ORC1: variants seen among roughly 807,000 people sequenced by gnomAD.
ORC1 encodes origin recognition complex, subunit 1 homolog.
In ORC1, 61 loss-of-function variants were observed where a neutral mutation model predicts 98.9. The observed-to-expected ratio is 0.62, with a 90% CI of 0.50 to 0.76. The LOEUF is 0.76. Ranked by LOEUF, ORC1 falls within the 30% of genes least tolerant of loss-of-function variation. ORC1 has a pLI of 0.00. For synonymous variants in ORC1, 385 were observed against 406.9 expected (o/e 0.95, Z 0.65); for missense variants, 979 against 1,072.2 (o/e 0.91, Z 1.21).
chr1:52,389,291 T>C lies in ORC1; in HGVS notation c.1113A>G (p.Glu371=). The C allele has an allele frequency of 6.2e-7, 1 of 1,614,160 alleles. No homozygotes were observed. The highest frequency in any genetic ancestry group is 8.5e-7 in the Non-Finnish European group (1 of 1,180,014). ...GGATACGATGGGGAGTAGAGGTCGC[T>C]TCATTCTGGGCTTTTGCTTCTTTTG... ...RDAKEAKAQN[E]ATSTPHRIRR... Residue 371 remains glutamate, a synonymous_variant, in exon 7 of 17, where the codon GAA becomes GAG. Transcript: ENST00000371568.
intron 14 of ORC1, among the ~76,000 whole-genome samples, chr1:52,379,576 T>TA (rs1647036095): frequency 1.3e-5 from 2 of 152,100 alleles, no homozygotes; most frequent in South Asian, 2.1e-4. Flanking sequence ...GGTTGAAAGT[T>TA]AAAAAAAGTT....
chr1:52,384,498 ATG>A, intron 11 of ORC1, 50 bp downstream of exon 11: 2 of 1,506,576 alleles, frequency 1.3e-6, no homozygotes, highest in Non-Finnish European at 1.8e-6. Context: ...TTCCTTTTTC[ATG>A]TGTCACGAAG....
rs1553148123 is a variant in ORC1 at position 52,396,142 on chromosome 1, C to G, written c.625G>C (p.Ala209Pro). Residue 209 changes from alanine (A) to proline (P), a missense_variant, in exon 5 of 17, where the codon GCC becomes CCC. By Grantham distance (27) the Ala-to-Pro change is conservative. Transcript: ENST00000371568. ...SPSWTPAEHV[A>P]KRIESRHSAS... ...GAGTGCCTTGATTCAATCCTTTTGG[C>G]CACATGTTCTGCTGGGGTCCAAGAA... 3 of 1,614,004 alleles carry G rather than the reference C, an allele frequency of 1.9e-6. No individual in the cohort carries two copies. Among genetic ancestry groups the G allele is most frequent in the African/African-American group, 2.7e-5 (2 of 74,898 alleles).
chr1:52,384,236 G>A (rs1325063840), intron 11 of ORC1, among the ~76,000 whole-genome samples: 1 of 152,180 alleles, frequency 6.6e-6, no homozygotes, highest in Non-Finnish European at 1.5e-5. Flanking sequence ...AACAGCCCAT[G>A]GACAAAGAGC....
chr1:52,388,788 T>C, intron 7 of ORC1, 151 bp from the exon 8 acceptor site: 1 of 680,190 alleles, frequency 1.5e-6, no homozygotes, highest in South Asian at 1.7e-5. Context: ...GTTAGGAGCA[T>C]TATTTATATT....
In ORC1 at chr1:52,402,154, G is replaced by A. The variant is rs1263248699; in HGVS notation, c.70C>T (p.Arg24Ter). 12 of 1,613,986 alleles carry A rather than the reference G, an allele frequency of 7.4e-6. No homozygotes were observed. The highest frequency in any genetic ancestry group is 1.0e-5 in the Non-Finnish European group (12 of 1,179,982). The change falls in exon 2 of 17, where the codon CGA (arginine) becomes TGA (stop). Residue 24 changes from arginine (R) to a stop codon, truncating the protein, a stop_gained. Coordinates refer to ENST00000371568, the MANE Select transcript of ORC1 (RefSeq NM_004153.4). LOFTEE classifies it high-confidence loss of function. ...YSWVGRPLLD[R>*]KLHYQTYREM... ...CTATAGGTTTGGTAGTGCAGTTTTC[G>A]ATCCAACAAGGGCCTGCCAACCCAT...
chr1:52,398,967 A>G (rs1371144570), intron 3 of ORC1, among the ~76,000 whole-genome samples: 1 of 151,994 alleles, frequency 6.6e-6, no homozygotes, highest in East Asian at 1.9e-4. Context: ...GTGACGGGGG[A>G]CCTTAAAGAG....
At chr1:52,407,847 G>GGA (rs567902886), upstream of ORC1, among the ~76,000 whole-genome samples, 35 of 152,238 alleles carry the variant, frequency 2.3e-4, no homozygotes, top group Non-Finnish European at 4.7e-4. Flanking sequence ...CCTGAGGTCA[G>GGA]GAGTTTGAGA....
At chr1:52,407,239 G>A (rs1024455765), upstream of ORC1, among the ~76,000 whole-genome samples, 2 of 152,116 alleles carry the variant, frequency 1.3e-5, no homozygotes, top group Non-Finnish European at 2.9e-5. Flanking sequence ...GGATGGTCCC[G>A]ATCTCCTGAC....
At chr1:52,390,497 G>A (rs1647194215) in intron 6 of ORC1, among the ~76,000 whole-genome samples, 1 of 152,208 alleles carries the variant, frequency 6.6e-6, no homozygotes, top group Admixed American at 6.5e-5. Flanking sequence ...CAAGCCACAT[G>A]TAGAAGAATG....
chr1:52,389,451 T>A (rs549683326), intron 6 of ORC1, 130 bp from the exon 7 acceptor site: 17 of 697,292 alleles, frequency 2.4e-5, no homozygotes, highest in South Asian at 1.9e-4. Flanking sequence ...AGAGTAAAAC[T>A]TTCTTTCTGC....
upstream of ORC1, among the ~76,000 whole-genome samples, chr1:52,405,262 C>G (rs891823551): frequency 5.3e-5 from 8 of 152,198 alleles, no homozygotes; most frequent in African/African-American, 1.7e-4. Flanking sequence ...ATTCTTAGAT[C>G]TGGGCCGGTT....
At chr1:52,406,469 T>A (rs1648001819), upstream of ORC1, among the ~76,000 whole-genome samples, 1 of 152,250 alleles carries the variant, frequency 6.6e-6, no homozygotes, top group East Asian at 1.9e-4. Context: ...CAACAAAAGG[T>A]GGTGGTTAAG....
rs773234327 is a variant in ORC1, at chr1:52,396,120, T to C, written c.647A>G (p.His216Arg). ...AGTTTGGCGAGATTTGGAGGCGGAG[T>C]GCCTTGATTCAATCCTTTTGGCCAC... Reference protein sequence around the residue: ...EHVAKRIESRHSASKSRQTPT... With the variant: ...EHVAKRIESRRSASKSRQTPT... Residue 216 changes from histidine to arginine, a missense_variant, in exon 5 of 17, where the codon CAC becomes CGC. By Grantham distance (29) the His-to-Arg change is conservative. Transcript: ENST00000371568. The C allele has an allele frequency of 2.5e-6, 4 of 1,613,960 alleles. No homozygotes were observed. The highest frequency in any genetic ancestry group is 3.4e-6 in the Non-Finnish European group (4 of 1,180,024).
chr1:52,374,938 G>GGGGT, intron 15 of ORC1, 41 bp from the exon 16 acceptor site: 1 of 1,275,822 alleles, frequency 7.8e-7, no homozygotes, highest in Non-Finnish European at 1.1e-6. Context: ...GTCAGTGGCT[G>GGGGT]TAACCCCAGC....
Position 52,383,451 on chromosome 1 carries a change from C to T in ORC1, c.1982G>A (p.Arg661Gln), listed in dbSNP as rs779000600. Residue 661 changes from arginine to glutamine, a missense_variant, in exon 13 of 17, where the codon CGA becomes CAA. Coordinates refer to ENST00000371568, the MANE Select transcript of ORC1 (RefSeq NM_004153.4). ...AIANTMDLPE[R>Q]IMMNRVSSRL... ...GCTGGACACCCGGTTCATCATGATTCGCTCTGGCAGGTCCATTGTGTTGGC... is the reference window on the plus strand; with the variant it reads ...GCTGGACACCCGGTTCATCATGATTTGCTCTGGCAGGTCCATTGTGTTGGC... 6 of 1,612,890 alleles carry T rather than the reference C, an allele frequency of 3.7e-6. No individual in the cohort carries two copies. In the African/African-American group the frequency reaches 4.0e-5, roughly 11 times the overall value.
chr1:52,388,323 T>C (rs373673133), intron 8 of ORC1, 119 bp downstream of exon 8: 11 of 869,560 alleles, frequency 1.3e-5, no homozygotes, highest in South Asian at 6.6e-5. Flanking sequence ...AAGAATAGCA[T>C]TGAATATAAC....
rs1647554748 is a variant in ORC1 at position 52,398,823 on chromosome 1, G to A, written c.224-960C>T. ...GACGGTCTCAATCTCCTGACCTCGT[G>A]ATCCGCCTGCCTCGGCCTACCAAAG... On this transcript the variant is annotated intron_variant, in intron 3 of 16. Coordinates refer to ENST00000371568, the MANE Select transcript of ORC1 (RefSeq NM_004153.4). Among the ~76,000 whole-genome samples, 8 of 151,902 alleles carry A rather than the reference G, an allele frequency of 5.3e-5. No homozygotes were observed. The South Asian group carries it at 1.7e-3, about 32-fold the overall frequency.
chr1:52,374,047 G>C (rs1480804991), intron 16 of ORC1, among the ~76,000 whole-genome samples: 1 of 152,128 alleles, frequency 6.6e-6, no homozygotes, highest in African/African-American at 2.4e-5. Flanking sequence ...TCAGGAACAG[G>C]GATGTTAACC....
Sources: gnomAD v4.1 joint callset for allele counts (sites outside exome capture counted in the v4.1 genomes callset) on GRCh38, gnomAD v4.1.1 for gene constraint, MANE v1.5 for transcripts, NCBI Gene and HGNC (gene_info 2026-07-23, HGNC 2026-07-21) for gene names.